Variants in NR3C1 observed in about 807,000 individuals in gnomAD.
NR3C1 encodes glucocorticoid receptor.
NR3C1 carries 14 observed loss-of-function variants against 74.0 expected under a neutral mutation model. The ratio of observed to expected loss-of-function variants is 0.19; its 90% CI spans 0.12 to 0.30. The LOEUF is 0.30. NR3C1 is among the 10% of genes least tolerant of loss of function. The probability of loss-of-function intolerance (pLI) is 1.00; values close to 1 mark genes in which losing one functional copy is unlikely to be tolerated. For synonymous variants in NR3C1, 308 were observed against 332.5 expected, an observed-to-expected ratio of 0.93 and a Z score of 0.80; for missense variants, 695 against 909.8, an observed-to-expected ratio of 0.76 and a Z score of 3.04.
chr5:143,316,744 C>A (rs987939719), intron 2 of NR3C1, among the ~76,000 whole-genome samples: 5 of 152,182 alleles, frequency 3.3e-5, no homozygotes, highest in African/African-American at 4.8e-5. Context: ...AAATCTACTA[C>A]AAGTTCCTGC....
intron 1 of NR3C1, among the ~76,000 whole-genome samples, chr5:143,433,462 A>ATATACTTTATTTATTTAAAT (rs1422510030): frequency 6.8e-6 from 1 of 146,506 alleles, no homozygotes; most frequent in African/African-American, 2.5e-5. Context: ...TTATATATAT[A>ATATACTTTATTTATTTAAAT]TATATATATT....
At chr5:143,295,398 C>T in intron 7 of NR3C1, 62 bp downstream of exon 7, 1 of 1,596,100 alleles carries the variant, frequency 6.3e-7, no homozygotes, top group Non-Finnish European at 8.5e-7. Context: ...ATAAATTAAC[C>T]TTTGTTTCTA....
intron 4 of NR3C1, 38 bp downstream of exon 4, chr5:143,310,059 T>C (rs1363925263): frequency 6.9e-7 from 1 of 1,441,980 alleles, no homozygotes; most frequent in African/African-American, 1.4e-5. Context: ...TTTTATAAGC[T>C]ACAGAGACAA....
intron 2 of NR3C1, chr5:143,333,042 T>G (rs373525021): frequency 6.9e-6 from 11 of 1,594,262 alleles, no homozygotes; most frequent in African/African-American, 4.0e-5. Flanking sequence ...GAAGTTTGGC[T>G]TCATTTGCTT....
At chr5:143,351,150 C>T (rs1022226649) in intron 2 of NR3C1, among the ~76,000 whole-genome samples, 2 of 152,166 alleles carry the variant, frequency 1.3e-5, no homozygotes, top group African/African-American at 4.8e-5. Flanking sequence ...TGTAGTCTCT[C>T]TTCGAGAACT....
chr5:143,374,746 C>T (rs1344517874), intron 2 of NR3C1, among the ~76,000 whole-genome samples: 1 of 152,134 alleles, frequency 6.6e-6, no homozygotes, highest in Non-Finnish European at 1.5e-5. Flanking sequence ...TTGCCAGGCT[C>T]CAGGCTGACA....
At chr5:143,434,751 G>A (rs1752032711) in exon 1 of NR3C1, 3 of 985,416 alleles carry the variant, frequency 3.0e-6, no homozygotes, top group Non-Finnish European at 3.6e-6. Context: ...TGCAGCAGTC[G>A]TCACAGAAGC....
At chr5:143,309,482 A>G (rs1320214102) in intron 4 of NR3C1, among the ~76,000 whole-genome samples, 3 of 152,192 alleles carry the variant, frequency 2.0e-5, no homozygotes, top group Admixed American at 2.0e-4. Flanking sequence ...TTTGAGGCCT[A>G]CGGTGGAAAA....
Position 143,300,768 on chromosome 5 carries a change from G to T in NR3C1, c.1469-5C>A. The T allele has an allele frequency of 1.2e-6, 2 of 1,613,014 alleles. No homozygotes were observed. Among genetic ancestry groups the T allele is most frequent in the South Asian group, 1.1e-5 (1 of 90,998 alleles). The stretch of plus-strand genomic sequence containing the variant: ...TTTTTTTCTTTGTTTTTCGAGCTGT[G>T]GGTATTTAAACAAATACATAGAAAT... On this transcript the variant is annotated splice_region_variant and splice_polypyrimidine_tract_variant and intron_variant, in intron 4 of 8. Coordinates refer to ENST00000394464, the MANE Select transcript of NR3C1 (RefSeq NM_000176.3). The surrounding 1 kb of genome is among the most constrained non-coding windows in gnomAD (Gnocchi z 5.2).
rs1813145822 is a variant in NR3C1, at chr5:143,281,760, T to TTAAAAC, written c.*123_*128dup. 1 of 1,078,806 alleles carries TTAAAAC rather than the reference T, an allele frequency of 9.3e-7. No homozygotes were observed. Among genetic ancestry groups the TTAAAAC allele is most frequent in the Admixed American group, 2.2e-5 (1 of 46,216 alleles). The allele number at this position is 1,078,806 out of a possible 1,614,324, so 66.8% of individuals were successfully genotyped here. On this transcript the variant is annotated 3_prime_UTR_variant, in exon 9 of 9. Coordinates refer to ENST00000394464, the MANE Select transcript of NR3C1 (RefSeq NM_000176.3). ...TCTATAAACCACATGTAGTGCGTATTTAAAACAAAACAACAGATGAAAACA... is the reference window on the plus strand; with the variant it reads ...TCTATAAACCACATGTAGTGCGTATTTAAAACTAAAACAAAACAACAGATGAAAACA...
At chr5:143,292,797 AGT>A (rs928769339) in intron 7 of NR3C1, among the ~76,000 whole-genome samples, 2 of 152,082 alleles carry the variant, frequency 1.3e-5, no homozygotes, top group African/African-American at 4.8e-5. Flanking sequence ...TCCTGGCTTC[AGT>A]GGCATCTTTT....
chr5:143,392,682 T>C (rs1239158927), intron 2 of NR3C1, among the ~76,000 whole-genome samples: 1 of 152,164 alleles, frequency 6.6e-6, no homozygotes, highest in African/African-American at 2.4e-5. Context: ...ATGAGATGAA[T>C]GCATGCAAAG....
chr5:143,434,524 T>C (rs996864423), intron 1 of NR3C1: 1 of 985,150 alleles, frequency 1.0e-6, no homozygotes, highest in Non-Finnish European at 1.2e-6. Flanking sequence ...AATAAAAATA[T>C]AACCTACCTT....
At chr5:143,366,347 A>G (rs1380903230) in intron 2 of NR3C1, among the ~76,000 whole-genome samples, 6 of 152,056 alleles carry the variant, frequency 3.9e-5, no homozygotes, top group Non-Finnish European at 8.8e-5. Flanking sequence ...CGTCTCTACT[A>G]AAAATATAAA....
intron 7 of NR3C1, among the ~76,000 whole-genome samples, chr5:143,286,237 C>G (rs1814445842): frequency 6.6e-6 from 1 of 152,090 alleles, no homozygotes; most frequent in African/African-American, 2.4e-5. Context: ...AGGCTCCAAA[C>G]AAACCAAGAC....
intron 2 of NR3C1, among the ~76,000 whole-genome samples, chr5:143,363,979 T>C (rs1039751875): frequency 1.3e-5 from 2 of 151,826 alleles, no homozygotes; most frequent in Non-Finnish European, 2.9e-5. Context: ...GCAAAAAGAT[T>C]ATTTAAAAAA....
chr5:143,396,987 G>C (rs1839327794), intron 2 of NR3C1, among the ~76,000 whole-genome samples: 1 of 151,792 alleles, frequency 6.6e-6, no homozygotes, highest in Non-Finnish European at 1.5e-5. Flanking sequence ...AGAATGACTA[G>C]TTTGTTTTAC....
intron 2 of NR3C1, among the ~76,000 whole-genome samples, chr5:143,353,741 T>G (rs1437202974): frequency 1.3e-5 from 2 of 152,198 alleles, no homozygotes; most frequent in East Asian, 3.9e-4. Context: ...GTTTCATTTC[T>G]AGAGTACAAG....
upstream of NR3C1, among the ~76,000 whole-genome samples, chr5:143,408,437 CCT>C (rs1841188332): frequency 6.6e-6 from 1 of 151,974 alleles, no homozygotes; most frequent in Admixed American, 6.6e-5. Context: ...CTATTTTCCC[CCT>C]TTTTTTTAAA....
Sources: allele counts gnomAD v4.1 joint callset (sites outside exome capture counted in the v4.1 genomes callset), GRCh38; gene constraint gnomAD v4.1.1; non-coding constraint Gnocchi (gnomAD v3.1); transcripts MANE v1.5; gene names NCBI Gene and HGNC (gene_info 2026-07-23, HGNC 2026-07-21).